Variants in MAP4K3 observed in about 807,000 individuals in gnomAD.
MAP4K3 encodes the protein MAPK/ERK kinase kinase kinase 3.
A neutral mutation model predicts 143.5 loss-of-function variants in MAP4K3; 94 were observed. That is an observed-to-expected ratio of 0.65 (90% CI 0.55 to 0.78). The LOEUF is 0.78. Ranked by LOEUF, MAP4K3 falls within the 30% of genes least tolerant of loss-of-function variation. The pLI is 0.00. For synonymous variants in MAP4K3, 416 were observed against 347.2 expected (o/e 1.20, Z -2.20); for missense variants, 1,077 against 1,068.1 (o/e 1.01, Z -0.12).
chr2:39,290,221 A>C (rs1265200148), intron 19 of MAP4K3, 71 bp downstream of exon 19: 5 of 1,133,486 alleles, frequency 4.4e-6, no homozygotes, highest in Non-Finnish European at 6.3e-6. Flanking sequence ...AGCTAGAAAA[A>C]CTCTCAACAA....
chr2:39,415,420 G>C (rs1305223439), intron 1 of MAP4K3, among the ~76,000 whole-genome samples: 2 of 152,140 alleles, frequency 1.3e-5, no homozygotes, highest in East Asian at 3.9e-4. Flanking sequence ...TTATTACTTA[G>C]AAACAGACTT....
chr2:39,302,206 C>T (rs564625872), intron 15 of MAP4K3, among the ~76,000 whole-genome samples: 30 of 152,058 alleles, frequency 2.0e-4, no homozygotes, highest in Admixed American at 1.0e-3. Flanking sequence ...CATCCAAGTC[C>T]GACGATTAAA....
chr2:39,322,747 A>G (rs955931781), intron 12 of MAP4K3, among the ~76,000 whole-genome samples: 1 of 149,752 alleles, frequency 6.7e-6, no homozygotes, highest in African/African-American at 2.5e-5. Context: ...TTGGCTCACT[A>G]TAACCTCTGC....
chr2:39,411,528 T>C (rs1667232344), intron 1 of MAP4K3, among the ~76,000 whole-genome samples: 1 of 152,240 alleles, frequency 6.6e-6, no homozygotes, highest in Non-Finnish European at 1.5e-5. Context: ...GGTTTATGCT[T>C]ATGCTTAATG....
At chr2:39,340,836 T>C (rs1219868917) in intron 4 of MAP4K3, among the ~76,000 whole-genome samples, 1 of 152,148 alleles carries the variant, frequency 6.6e-6, no homozygotes, top group Admixed American at 6.5e-5. Context: ...CTAATGGATG[T>C]TCTAATACAG....
chr2:39,387,771 C>T (rs1666548081), intron 1 of MAP4K3, among the ~76,000 whole-genome samples: 1 of 152,176 alleles, frequency 6.6e-6, no homozygotes, highest in African/African-American at 2.4e-5. Context: ...CTTCCAGTTC[C>T]GTGTATCATG....
intron 1 of MAP4K3, among the ~76,000 whole-genome samples, chr2:39,398,936 C>T (rs1225174162): frequency 4.7e-5 from 7 of 149,952 alleles, no homozygotes; most frequent in Admixed American, 2.0e-4. Context: ...TCCAGCTACT[C>T]GGGAGGCTGA....
At chr2:39,261,553 T>C (rs1364335997) in intron 28 of MAP4K3, among the ~76,000 whole-genome samples, 3 of 152,200 alleles carry the variant, frequency 2.0e-5, no homozygotes, top group Non-Finnish European at 2.9e-5. Flanking sequence ...TAGAGTGGCA[T>C]AGCCAGACTA....
chr2:39,359,353 G>A (rs1665701586), intron 2 of MAP4K3, among the ~76,000 whole-genome samples: 1 of 152,172 alleles, frequency 6.6e-6, no homozygotes, highest in Non-Finnish European at 1.5e-5. Flanking sequence ...AACAAGAGGT[G>A]GACTCCCATG....
rs1018886837 is a variant in MAP4K3 at position 39,352,527 on chromosome 2, A to G, written c.245+3722T>C. ...TAATGATTTAATTCTGTTGTTTTAT[A>G]AATACACAAACATATATATTCAGAT... On this transcript the variant is annotated intron_variant, in intron 3 of 33. Transcript: ENST00000263881. Among the ~76,000 whole-genome samples, 5 of 152,344 alleles carry G rather than the reference A, an allele frequency of 3.3e-5. No homozygotes were observed. In the South Asian group the frequency reaches 8.3e-4, roughly 25 times the overall value.
At position 39,363,760 on chromosome 2, in the gene MAP4K3, T is replaced by C. The variant is rs997180050; in HGVS notation, c.155-7421A>G. ...GATCATTTCACAACATACATATGCATCAGAATACCATGTTGTAAACTGTAA... is the reference window on the plus strand; with the variant it reads ...GATCATTTCACAACATACATATGCACCAGAATACCATGTTGTAAACTGTAA... On this transcript the variant is annotated intron_variant, in intron 2 of 33. Transcript: ENST00000263881. Among the ~76,000 whole-genome samples the C allele has an allele frequency of 2.7e-5, 4 of 150,594 alleles. No homozygotes were observed. The South Asian group carries it at 8.4e-4, about 32-fold the overall frequency.
chr2:39,272,235 T>G, intron 26 of MAP4K3, 48 bp downstream of exon 26: 187 of 1,333,976 alleles, frequency 1.4e-4, no homozygotes, highest in Non-Finnish European at 1.8e-4. Flanking sequence ...TAAATATTTA[T>G]GAGAATGAAC....
At position 39,260,781 on chromosome 2, in the gene MAP4K3, G is replaced by C; in HGVS notation, c.2137-4C>G. The C allele has an allele frequency of 1.3e-6, 2 of 1,598,864 alleles. No individual in the cohort carries two copies. The highest frequency in any genetic ancestry group is 1.7e-6 in the Non-Finnish European group (2 of 1,170,846). On this transcript the variant is annotated splice_region_variant and splice_polypyrimidine_tract_variant and intron_variant, in intron 28 of 33. Coordinates refer to ENST00000263881, the MANE Select transcript of MAP4K3 (RefSeq NM_003618.4). Reference sequence around the variant, plus strand: ...ATGGTATAGGAAAATCTATGTGCTAGAGAAAGAAACAAAAATACATTAAAC... The same window carrying C: ...ATGGTATAGGAAAATCTATGTGCTACAGAAAGAAACAAAAATACATTAAAC...
Position 39,343,294 on chromosome 2 carries a change from T to C in MAP4K3, c.310+94A>G, listed in dbSNP as rs901426647. The C allele has an allele frequency of 1.6e-5, 13 of 831,112 alleles. No homozygotes were observed. In the South Asian group the frequency reaches 2.3e-4, roughly 15 times the overall value. 51.5% of individuals were successfully genotyped at this position (831,112 alleles called of 1,614,324 possible). A position where few individuals can be genotyped will look rare whatever the true frequency, so the allele number is the denominator to read the frequency against. On this transcript the variant is annotated intron_variant, in intron 4 of 33. Coordinates refer to ENST00000263881, the MANE Select transcript of MAP4K3 (RefSeq NM_003618.4). ...AATATAACAATAAAACATAGCTTGC[T>C]TTCCTTAAGATAATGTTGATGTTTT...
At chr2:39,325,421 A>G in intron 12 of MAP4K3, 97 bp downstream of exon 12, 1 of 719,156 alleles carries the variant, frequency 1.4e-6, no homozygotes, top group Admixed American at 2.9e-5. Context: ...CTAGGCCCCA[A>G]AATTAAAAAA....
At chr2:39,436,596 G>A in intron 1 of MAP4K3, 1 of 426,642 alleles carries the variant, frequency 2.3e-6, no homozygotes, top group Non-Finnish European at 4.3e-6. Context: ...CTGCACTATG[G>A]ATGAGCAGTG....
chr2:39,274,281 A>G (rs1437611670), intron 24 of MAP4K3, among the ~76,000 whole-genome samples: 1 of 147,714 alleles, frequency 6.8e-6, no homozygotes, highest in Non-Finnish European at 1.5e-5. Flanking sequence ...CAGTGGCGCG[A>G]TCTCCGCTCA....
intron 12 of MAP4K3, among the ~76,000 whole-genome samples, chr2:39,318,982 T>C (rs1683209556): frequency 6.6e-6 from 1 of 152,048 alleles, no homozygotes. Context: ...TCTGGGGACA[T>C]TTTTTTGTTG....
Position 39,331,925 on chromosome 2 carries a change from T to G in MAP4K3, c.522A>C (p.Thr174=), listed in dbSNP as rs747549500. The change falls in exon 8 of 34, where the codon ACA becomes ACC. Residue 174 remains threonine (T), a synonymous_variant. Coordinates refer to ENST00000263881, the MANE Select transcript of MAP4K3 (RefSeq NM_003618.4). ...TIAKRKSFIG[T]PYWMAPEVAA... ...AATTAAAATACAATTACCAATATGG[T>G]GTGCCAATGAAAGACTTCCGTTTGG... 2.9e-5 allele frequency: 46 copies of G among 1,560,282 alleles called. No individual in the cohort carries two copies. In the African/African-American group the frequency reaches 5.9e-4, roughly 20 times the overall value.
Sources: gnomAD v4.1 joint callset for allele counts (sites outside exome capture counted in the v4.1 genomes callset) on GRCh38, gnomAD v4.1.1 for gene constraint, MANE v1.5 for transcripts, NCBI Gene and HGNC (gene_info 2026-07-23, HGNC 2026-07-21) for gene names.